Variants in BBOX1 observed in about 807,000 individuals in gnomAD.
BBOX1 encodes the protein gamma-butyrobetaine dioxygenase.
Under a neutral mutation model 41.6 loss-of-function variants are expected in BBOX1, and 35 were observed. The ratio of observed to expected loss-of-function variants is 0.84; its 90% CI spans 0.64 to 1.11. The LOEUF (loss-of-function observed/expected upper bound fraction) is 1.11, where lower values mean the gene tolerates loss of function less well. Ranked by LOEUF, BBOX1 falls within the 50% of genes most tolerant of loss-of-function variation. BBOX1 has a pLI of 0.00. For missense variants in BBOX1, 458 were observed against 460.6 expected (o/e 0.99, Z 0.05); for synonymous variants, 163 against 154.7 (o/e 1.05, Z -0.40).
intron 2 of BBOX1, among the ~76,000 whole-genome samples, chr11:27,048,870 T>C (rs1037652124): frequency 4.1e-5 from 6 of 148,140 alleles, no homozygotes; most frequent in Non-Finnish European, 7.5e-5. Flanking sequence ...TAGCATTAGG[T>C]ATATCTCCCA....
intron 5 of BBOX1, among the ~76,000 whole-genome samples, chr11:27,101,364 A>C (rs1388065706): frequency 6.6e-6 from 1 of 152,162 alleles, no homozygotes; most frequent in East Asian, 1.9e-4. Context: ...CATTTTATTC[A>C]ATATTTCACA....
chr11:27,127,379 G>A lies in BBOX1; in HGVS notation c.1090G>A (p.Gly364Arg). 6.2e-7 allele frequency: 1 copy of A among 1,614,160 alleles called. No homozygotes were observed. The highest frequency in any genetic ancestry group is 2.2e-5 in the East Asian group (1 of 44,884). ...AGTEISRHLE[G>R]AYADWDVVMS... ...AACTGAGATATCCCGCCATCTAGAA[G>A]GAGCTTATGCTGACTGGGATGTGGT... Residue 364 changes from glycine (G) to arginine (R), a missense_variant, in exon 9 of 9, where the codon GGA becomes AGA. Gly to Arg is a moderately radical substitution (Grantham distance 125, BLOSUM62 -2). Transcript: ENST00000263182.
At chr11:27,105,842 A>G (rs1858846357) in intron 5 of BBOX1, among the ~76,000 whole-genome samples, 1 of 152,148 alleles carries the variant, frequency 6.6e-6, no homozygotes, top group Non-Finnish European at 1.5e-5. Context: ...AGCCAGAGAG[A>G]AAGGTCGGGT....
At chr11:27,053,926 G>A (rs977014193) in intron 2 of BBOX1, among the ~76,000 whole-genome samples, 3 of 152,140 alleles carry the variant, frequency 2.0e-5, no homozygotes, top group African/African-American at 4.8e-5. Context: ...AACTCTATAT[G>A]TGAAGCTAAA....
intron 4 of BBOX1, among the ~76,000 whole-genome samples, chr11:27,073,562 G>T (rs1857530635): frequency 6.7e-6 from 1 of 149,396 alleles, no homozygotes. Flanking sequence ...CCATTACTGG[G>T]TATATACCCA....
chr11:27,066,075 G>GA (rs1857271014), intron 4 of BBOX1, among the ~76,000 whole-genome samples: 1 of 152,100 alleles, frequency 6.6e-6, no homozygotes, highest in South Asian at 2.1e-4. Context: ...TTTGCTCTTG[G>GA]AAAAATAATT....
rs147690342 is a variant in BBOX1 at position 27,064,366 on chromosome 11, T to G, written c.334+7051T>G. ...CCCAAGAGAGACTAATAAAGATTCC[T>G]TCCCTAAAGTCACCCAAACTCATAA... On this transcript the variant is annotated intron_variant, in intron 4 of 8. Transcript: ENST00000263182. Among the ~76,000 whole-genome samples, 258 of 152,258 alleles carry G rather than the reference T, an allele frequency of 1.7e-3. 1 individual carries two copies. The highest frequency in any genetic ancestry group is 3.0e-3 in the Non-Finnish European group (205 of 68,026).
chr11:27,043,748 C>T (rs1451441466), intron 2 of BBOX1, among the ~76,000 whole-genome samples: 1 of 151,708 alleles, frequency 6.6e-6, no homozygotes, highest in African/African-American at 2.4e-5. Flanking sequence ...CCAGCTTCCT[C>T]CATGTCCCTG....
intron 4 of BBOX1, among the ~76,000 whole-genome samples, chr11:27,059,628 G>A (rs1857081509): frequency 6.6e-6 from 1 of 152,190 alleles, no homozygotes; most frequent in South Asian, 2.1e-4. Context: ...TGTGACAGCA[G>A]CCTCTGGAGC....
At chr11:27,059,276 G>A (rs970197238) in intron 4 of BBOX1, among the ~76,000 whole-genome samples, 2 of 152,236 alleles carry the variant, frequency 1.3e-5, no homozygotes, top group African/African-American at 2.4e-5. Flanking sequence ...GCCTGTGGCC[G>A]CACACAGTGC....
intron 4 of BBOX1, among the ~76,000 whole-genome samples, chr11:27,074,358 CA>C (rs1857566581): frequency 6.6e-6 from 1 of 151,936 alleles, no homozygotes; most frequent in Non-Finnish European, 1.5e-5. Flanking sequence ...ACTTTGGAAA[CA>C]AGCAGAAGTT....
chr11:27,043,778 C>CT (rs200518899), intron 2 of BBOX1, among the ~76,000 whole-genome samples: 2 of 152,032 alleles, frequency 1.3e-5, no homozygotes, highest in South Asian at 2.1e-4. Flanking sequence ...TGAACTCATC[C>CT]TTTTTTATGG....
chr11:27,043,683 A>G (rs773880006), intron 2 of BBOX1, among the ~76,000 whole-genome samples: 7 of 152,104 alleles, frequency 4.6e-5, no homozygotes, highest in African/African-American at 7.2e-5. Flanking sequence ...TATGAGTGAG[A>G]ACATGCAGTA....
chr11:27,087,094 G>C (rs1036259769), intron 4 of BBOX1, among the ~76,000 whole-genome samples: 2 of 152,094 alleles, frequency 1.3e-5, no homozygotes, highest in East Asian at 3.9e-4. Flanking sequence ...TGGTGAAGAT[G>C]ATGTGGACAT....
chr11:27,080,659 G>C (rs944428882), intron 4 of BBOX1, among the ~76,000 whole-genome samples: 2 of 152,090 alleles, frequency 1.3e-5, no homozygotes, highest in Non-Finnish European at 2.9e-5. Context: ...CAGGTTGATG[G>C]ATGTGGTGGT....
At chr11:27,048,787 C>T (rs1851572542) in intron 2 of BBOX1, among the ~76,000 whole-genome samples, 1 of 136,500 alleles carries the variant, frequency 7.3e-6, no homozygotes, top group Non-Finnish European at 1.5e-5. Flanking sequence ...TTTTAGGGTA[C>T]ATGTGCCCAT....
At chr11:27,098,239 T>C (rs1175972902) in intron 5 of BBOX1, among the ~76,000 whole-genome samples, 1 of 151,992 alleles carries the variant, frequency 6.6e-6, no homozygotes, top group African/African-American at 2.4e-5. Context: ...CATCCTCCCA[T>C]TGATCTGGCA....
chr11:27,127,050 G>A (rs564799214), intron 8 of BBOX1, among the ~76,000 whole-genome samples: 7 of 152,274 alleles, frequency 4.6e-5, no homozygotes, highest in Non-Finnish European at 1.0e-4. Flanking sequence ...TTTTAAATAA[G>A]AATGATTAAA....
chr11:27,121,449 C>T (rs1264182500), intron 7 of BBOX1, among the ~76,000 whole-genome samples: 1 of 152,114 alleles, frequency 6.6e-6, no homozygotes, highest in Non-Finnish European at 1.5e-5. Flanking sequence ...ACCCTGACTG[C>T]TAGAAAGAGC....
Sources: allele counts gnomAD v4.1 joint callset (sites outside exome capture counted in the v4.1 genomes callset), GRCh38; gene constraint gnomAD v4.1.1; transcripts MANE v1.5; gene names NCBI Gene and HGNC (gene_info 2026-07-23, HGNC 2026-07-21).